The following AP4M1 variants were observed in gnomAD, a reference collection of about 807,000 sequenced individuals.
The protein encoded by AP4M1 is AP-4 complex subunit mu-1.
Under a neutral mutation model 62.4 loss-of-function variants are expected in AP4M1, and 58 were observed. The observed-to-expected ratio is 0.93, with a 90% CI of 0.75 to 1.16. AP4M1 has a LOEUF of 1.16. Among genes scored for constraint, AP4M1 ranks in the 50% most tolerant of loss-of-function variants. The pLI is 0.00. For missense variants in AP4M1, 626 were observed against 585.4 expected, an observed-to-expected ratio of 1.07 and a Z score of -0.72; for synonymous variants, 290 against 239.7, an observed-to-expected ratio of 1.21 and a Z score of -1.94.
At chr7:100,102,085 TAAAG>T (rs1245956270) in intron 2 of AP4M1, 117 bp downstream of exon 2, 28 of 1,221,738 alleles carry the variant, frequency 2.3e-5, no homozygotes, top group Non-Finnish European at 2.6e-5. Context: ...TTCCGCCAAA[TAAAG>T]CTAACGTGAG....
At chr7:100,106,064 A>G in intron 12 of AP4M1, 61 bp downstream of exon 12, 1 of 1,594,198 alleles carries the variant, frequency 6.3e-7, no homozygotes, top group African/African-American at 1.3e-5. Context: ...GGGCCAGGGC[A>G]CCTGCTGCTT....
At position 100,101,950 on chromosome 7, in the gene AP4M1, C is replaced by T. The variant is rs760835879; in HGVS notation, c.129C>T (p.Asp43=). Residue 43 remains aspartate (D), a synonymous_variant, in exon 2 of 15, where the codon GAC becomes GAT. Coordinates refer to ENST00000359593, the MANE Select transcript of AP4M1 (RefSeq NM_004722.4). The stretch of plus-strand genomic sequence containing the variant: ...GGAAGCTGACGGGACTGCCAGGAGA[C>T]GAGTCCCCGGTTGTCATGGTAACCA... The part of the protein sequence containing the change: ...FYRKLTGLPG[D]ESPVVMHHHG... 1 of 1,613,210 alleles carries T rather than the reference C, an allele frequency of 6.2e-7. No homozygotes were observed. The highest frequency in any genetic ancestry group is 8.5e-7 in the Non-Finnish European group (1 of 1,179,954).
rs1310725354 is a variant in AP4M1, at chr7:100,107,621, G to C, written c.*739G>C. The C allele has an allele frequency of 6.2e-7, 1 of 1,611,342 alleles. No homozygotes were observed. The highest frequency in any genetic ancestry group is 1.3e-5 in the African/African-American group (1 of 74,826). ...CGGGGGCCGAGGTGCTGAGGGACAG[G>C]ACCTGGATAGAAAGGAAAGGCAGGC... On this transcript the variant is annotated 3_prime_UTR_variant, in exon 15 of 15. Coordinates refer to ENST00000359593, the MANE Select transcript of AP4M1 (RefSeq NM_004722.4).
intron 12 of AP4M1, 100 bp from the exon 13 acceptor site, chr7:100,106,141 T>TG (rs1796453801): frequency 2.6e-6 from 4 of 1,552,106 alleles, no homozygotes; most frequent in South Asian, 1.1e-5. Context: ...TTTGGGAAGG[T>TG]GGGGGGCACC....
In AP4M1 at chr7:100,106,525, T is replaced by G. The variant is rs1432954294; in HGVS notation, c.1137+11T>G. ...TCAGGCCTTTTCCAGGTATTCGCTG[T>G]GGACCCCCAGCCCCTCTCCTCCCAC... On this transcript the variant is annotated intron_variant, in intron 14 of 14. Coordinates refer to ENST00000359593, the MANE Select transcript of AP4M1 (RefSeq NM_004722.4). 1.2e-6 allele frequency: 2 copies of G among 1,608,922 alleles called. No individual in the cohort carries two copies. Among genetic ancestry groups the G allele is most frequent in the Admixed American group, 1.7e-5 (1 of 59,962 alleles).
In AP4M1 at chr7:100,104,226, T is replaced by G. The variant is rs1028210038; in HGVS notation, c.606+72T>G. ...GGAAACATGGTGGGGTGGCTAAGAC[T>G]CCCAGCAACGGCCGGGCACAGTGGC... On this transcript the variant is annotated intron_variant, in intron 7 of 14. Transcript: ENST00000359593. 3 of 1,346,414 alleles carry G rather than the reference T, an allele frequency of 2.2e-6. No homozygotes were observed. In the African/African-American group the frequency reaches 4.3e-5, roughly 19 times the overall value. The allele number at this position is 1,346,414 out of a possible 1,614,324, so 83.4% of individuals were successfully genotyped here.
At chr7:100,101,554 G>C (rs1480748060), upstream of AP4M1, 5 of 835,344 alleles carry the variant, frequency 6.0e-6, no homozygotes, top group African/African-American at 6.7e-5. Context: ...GGAATCTCCG[G>C]GCGGGGTAGT....
At chr7:100,103,942 T>G in intron 6 of AP4M1, 150 bp from the exon 7 acceptor site, 1 of 739,120 alleles carries the variant, frequency 1.4e-6, no homozygotes, top group Non-Finnish European at 2.4e-6. Flanking sequence ...CCCCCCCAGA[T>G]GTGGGTGGAG....
chr7:100,101,089 C>T (rs1795995688), upstream of AP4M1: 2 of 781,270 alleles, frequency 2.6e-6, no homozygotes, highest in Non-Finnish European at 4.0e-6. Context: ...CGATGGCCCC[C>T]CGCACGCTTC....
chr7:100,100,887 C>G (rs1426827290), upstream of AP4M1: 4 of 1,053,888 alleles, frequency 3.8e-6, no homozygotes, highest in East Asian at 7.3e-5. Flanking sequence ...CTGGGGAGGG[C>G]GCGGGAACCT....
chr7:100,100,888 G>A, upstream of AP4M1: 2 of 1,051,448 alleles, frequency 1.9e-6, no homozygotes, highest in Non-Finnish European at 2.3e-6. Context: ...TGGGGAGGGC[G>A]CGGGAACCTG....
In AP4M1 at chr7:100,107,949, A is replaced by G; in HGVS notation, c.*1067A>G. ...ACCTGCTGGGTGGATGGGGCGCTGG[A>G]GGACGATGACATTACAATAAACTTG... On this transcript the variant is annotated 3_prime_UTR_variant, in exon 15 of 15. Coordinates refer to ENST00000359593, the MANE Select transcript of AP4M1 (RefSeq NM_004722.4). 1 of 1,612,790 alleles carries G rather than the reference A, an allele frequency of 6.2e-7. No individual in the cohort carries two copies.
upstream of AP4M1, chr7:100,101,313 G>A: frequency 6.2e-7 from 1 of 1,613,042 alleles, no homozygotes; most frequent in South Asian, 1.1e-5. Flanking sequence ...AGGGCCGTGC[G>A]GCCGCGCTTG....
Position 100,108,285 on chromosome 7 carries a change from A to G in AP4M1, c.*1403A>G. The G allele has an allele frequency of 6.6e-7, 1 of 1,504,510 alleles. No individual in the cohort carries two copies. The highest frequency in any genetic ancestry group is 8.9e-7 in the Non-Finnish European group (1 of 1,126,942). The allele number at this position is 1,504,510 out of a possible 1,614,324, so 93.2% of individuals were successfully genotyped here. A position where few individuals can be genotyped will look rare whatever the true frequency, so the allele number is the denominator to read the frequency against. On this transcript the variant is annotated 3_prime_UTR_variant, in exon 15 of 15. Transcript: ENST00000359593. ...CCCTGAGACTACTGACTGAGGGCAC[A>G]TGTGGCTGTGTGCAAGTGCCTGTCC...
At chr7:100,105,367 A>T (rs775577262) in intron 10 of AP4M1, 21 bp downstream of exon 10, 2 of 1,613,686 alleles carry the variant, frequency 1.2e-6, no homozygotes, top group Non-Finnish European at 1.7e-6. Flanking sequence ...GGGTGGCCTC[A>T]TAAATTCCGT....
At chr7:100,106,580 C>CCCAACCCCCG in intron 14 of AP4M1, 66 bp downstream of exon 14, 1 of 1,560,330 alleles carries the variant, frequency 6.4e-7, no homozygotes, top group Non-Finnish European at 8.8e-7. Context: ...CCCACCCTCC[C>CCCAACCCCCG]GAAGCAGCTG....
chr7:100,100,933 G>T (rs1291598294), upstream of AP4M1: 1 of 1,016,030 alleles, frequency 9.8e-7, no homozygotes, highest in Non-Finnish European at 1.2e-6. Flanking sequence ...AGCGGGCACG[G>T]GAGCCCAGAG....
At position 100,108,617 on chromosome 7, in the gene AP4M1, T is replaced by C; in HGVS notation, c.*1735T>C. 5 of 1,487,656 alleles carry C rather than the reference T, an allele frequency of 3.4e-6. No individual in the cohort carries two copies. The highest frequency in any genetic ancestry group is 2.6e-5 in the South Asian group (2 of 77,756). The allele number at this position is 1,487,656 out of a possible 1,614,324, so 92.2% of individuals were successfully genotyped here. On this transcript the variant is annotated 3_prime_UTR_variant, in exon 15 of 15. Coordinates refer to ENST00000359593, the MANE Select transcript of AP4M1 (RefSeq NM_004722.4). ...GGTAGAGGGAGGGCTGGTGACACTC[T>C]TGAGAAGAACCTTGGGGATGGGGTA...
rs551239733 is a variant in AP4M1 at position 100,106,861 on chromosome 7, C to T, written c.1341C>T (p.Asp447=). Residue 447 remains aspartate, a synonymous_variant, in exon 15 of 15, where the codon GAC becomes GAT. Transcript: ENST00000359593. ...GGGTGCGACACCTAAGCCACAGCGA[C>T]GCCTATGTCATTCGGATCTGAGGCT... ...HKWVRHLSHS[D]AYVIRI 5.8e-5 allele frequency: 94 copies of T among 1,613,560 alleles called. No homozygotes were observed. The highest frequency in any genetic ancestry group is 2.0e-4 in the African/African-American group (15 of 75,080).
Sources: gnomAD v4.1 joint callset for allele counts on GRCh38, gnomAD v4.1.1 for gene constraint, MANE v1.5 for transcripts, NCBI Gene and HGNC (gene_info 2026-07-23, HGNC 2026-07-21) for gene names.